SPIDR: variants seen among roughly 807,000 people sequenced by gnomAD.
SPIDR encodes the protein DNA repair-scaffolding protein.
A neutral mutation model predicts 104.6 loss-of-function variants in SPIDR; 93 were observed. The observed-to-expected ratio is 0.89, with a 90% CI of 0.75 to 1.06. SPIDR has a LOEUF of 1.06. Ranked by LOEUF, SPIDR falls within the 50% of genes least tolerant of loss-of-function variation. The probability of loss-of-function intolerance (pLI) is 0.00; values close to 1 mark genes in which losing one functional copy is unlikely to be tolerated. For missense variants in SPIDR, 1,154 were observed against 1,111.2 expected (o/e 1.04, Z -0.55); for synonymous variants, 431 against 416.9 (o/e 1.03, Z -0.41).
At position 47,464,743 on chromosome 8, in the gene SPIDR, T is replaced by C. The variant is rs138062882; in HGVS notation, c.1097+24201T>C. Among the ~76,000 whole-genome samples the C allele has an allele frequency of 3.0e-3, 462 of 151,994 alleles. 1 individual carries two copies. The highest frequency in any genetic ancestry group is 0.011 in the African/African-American group (451 of 41,466). On this transcript the variant is annotated intron_variant, in intron 8 of 19. Transcript: ENST00000297423. ...ATCCCGTCCTTGCCTCGCCTCACCT[T>C]GCCTCATTTTTCTTTTGTTTTTTTC...
chr8:47,447,357 G>A (rs1256707362), intron 8 of SPIDR, among the ~76,000 whole-genome samples: 1 of 152,086 alleles, frequency 6.6e-6, no homozygotes, highest in Non-Finnish European at 1.5e-5. Flanking sequence ...GGGATTACAG[G>A]CGTGTGCCAC....
Position 47,701,703 on chromosome 8 carries a change from T to G in SPIDR, c.1774-18T>G. 6.2e-7 allele frequency: 1 copy of G among 1,611,994 alleles called. No homozygotes were observed. Among genetic ancestry groups the G allele is most frequent in the South Asian group, 1.1e-5 (1 of 90,544 alleles). On this transcript the variant is annotated intron_variant, in intron 12 of 19. Transcript: ENST00000297423. ...TTTAACAATACATTCACCTTCTACC[T>G]TTGTCTCATTTAAACAGATAAAAAC...
intron 5 of SPIDR, chr8:47,294,441 G>C (rs2040474412): frequency 6.1e-6 from 1 of 163,684 alleles, no homozygotes; most frequent in African/African-American, 2.4e-5. Flanking sequence ...AAAATGTTTA[G>C]ACAACATGTG....
At position 47,396,607 on chromosome 8, in the gene SPIDR, G is replaced by C. The variant is rs201205083; in HGVS notation, c.757G>C (p.Ala253Pro). Residue 253 changes from alanine to proline, a missense_variant, in exon 6 of 20, where the codon GCA (alanine) becomes CCA (proline). Transcript: ENST00000297423. ...GTTTCCCAGGACTCCAGAAAATTCA[G>C]CAAAGAAGAAGCTTTTAAGGTTAAA... ...AKFPRTPENS[A>P]KKKLLRGGLA... The C allele has an allele frequency of 1.3e-5, 21 of 1,612,724 alleles. No individual in the cohort carries two copies. Among genetic ancestry groups the C allele is most frequent in the Non-Finnish European group, 1.6e-5 (19 of 1,179,602 alleles).
chr8:47,730,110 C>G (rs1010742161), intron 19 of SPIDR, among the ~76,000 whole-genome samples: 2 of 149,714 alleles, frequency 1.3e-5, no homozygotes, highest in African/African-American at 4.9e-5. Context: ...CCCCAAGATG[C>G]TTTTTTTTTT....
intron 1 of SPIDR, among the ~76,000 whole-genome samples, chr8:47,267,711 G>A: frequency 6.6e-6 from 1 of 152,166 alleles, no homozygotes; most frequent in East Asian, 1.9e-4. Flanking sequence ...CTGTTTTATT[G>A]TGGAATCACG....
chr8:47,676,254 C>A (rs1211301675), intron 11 of SPIDR, among the ~76,000 whole-genome samples: 1 of 152,202 alleles, frequency 6.6e-6, no homozygotes, highest in Non-Finnish European at 1.5e-5. Context: ...CCAACAAATT[C>A]ATTTACTGAT....
chr8:47,586,341 A>G (rs1294574746), intron 8 of SPIDR, among the ~76,000 whole-genome samples: 1 of 152,170 alleles, frequency 6.6e-6, no homozygotes, highest in Non-Finnish European at 1.5e-5. Flanking sequence ...TTTCCAGAGT[A>G]GTTATACAAT....
intron 8 of SPIDR, among the ~76,000 whole-genome samples, chr8:47,572,319 TTCAGTCGATAAGATATTA>T (rs1263108230): frequency 6.6e-6 from 1 of 152,122 alleles, no homozygotes; most frequent in African/African-American, 2.4e-5. Context: ...AGGCCAAGAA[TTCAGTCGATAAGATATTA>T]TCAGTAATAA....
chr8:47,656,999 A>T (rs980373153), intron 10 of SPIDR, among the ~76,000 whole-genome samples: 1 of 152,148 alleles, frequency 6.6e-6, no homozygotes, highest in Admixed American at 6.5e-5. Context: ...GTTGCCAGGG[A>T]CTCAGGGGAG....
At chr8:47,583,984 G>T (rs79191500) in intron 8 of SPIDR, among the ~76,000 whole-genome samples, 1 of 152,188 alleles carries the variant, frequency 6.6e-6, no homozygotes, top group Non-Finnish European at 1.5e-5. Context: ...CACCGTGTCC[G>T]CTGTGTCACA....
intron 7 of SPIDR, among the ~76,000 whole-genome samples, chr8:47,432,786 A>G (rs1463217632): frequency 2.0e-5 from 3 of 152,192 alleles, no homozygotes; most frequent in Non-Finnish European, 4.4e-5. Flanking sequence ...AAGAAGTAAC[A>G]GGTAACAAAG....
chr8:47,467,455 A>G (rs2075053258), intron 8 of SPIDR, among the ~76,000 whole-genome samples: 1 of 152,182 alleles, frequency 6.6e-6, no homozygotes, highest in South Asian at 2.1e-4. Flanking sequence ...TCAATGCAAA[A>G]ATCCTAAACA....
intron 6 of SPIDR, among the ~76,000 whole-genome samples, chr8:47,403,919 C>T (rs1347317481): frequency 1.3e-5 from 2 of 152,162 alleles, no homozygotes; most frequent in African/African-American, 4.8e-5. Context: ...AAGAACAAAG[C>T]TGGAGGCATC....
intron 8 of SPIDR, among the ~76,000 whole-genome samples, chr8:47,551,344 G>A (rs1341663988): frequency 6.6e-6 from 1 of 152,158 alleles, no homozygotes; most frequent in Non-Finnish European, 1.5e-5. Context: ...CAGAACCAAT[G>A]GTACCAGCTC....
intron 5 of SPIDR, among the ~76,000 whole-genome samples, chr8:47,382,691 C>A (rs1263485894): frequency 6.6e-6 from 1 of 152,188 alleles, no homozygotes; most frequent in Non-Finnish European, 1.5e-5. Flanking sequence ...GATTAACAGG[C>A]ATGAGCCACC....
At chr8:47,277,330 GTTA>G (rs2036683647) in intron 1 of SPIDR, among the ~76,000 whole-genome samples, 3 of 102,506 alleles carry the variant, frequency 2.9e-5, no homozygotes, top group South Asian at 1.0e-3. Flanking sequence ...GTTATGTTAT[GTTA>G]TGTTATGTTA....
At chr8:47,477,967 G>T (rs1276823937) in intron 8 of SPIDR, among the ~76,000 whole-genome samples, 6 of 152,150 alleles carry the variant, frequency 3.9e-5, no homozygotes, top group African/African-American at 1.4e-4. Context: ...AGGATTAGGG[G>T]CAGCAAGGGG....
chr8:47,559,798 A>T (rs1351864254), intron 8 of SPIDR, among the ~76,000 whole-genome samples: 1 of 152,234 alleles, frequency 6.6e-6, no homozygotes, highest in Non-Finnish European at 1.5e-5. Context: ...ATGTGATTGC[A>T]TCTTGTATCT....
Sources: gnomAD v4.1 joint callset for allele counts (sites outside exome capture counted in the v4.1 genomes callset) on GRCh38, gnomAD v4.1.1 for gene constraint, MANE v1.5 for transcripts, NCBI Gene and HGNC (gene_info 2026-07-23, HGNC 2026-07-21) for gene names.